The following TBC1D8B variants were observed in gnomAD, a reference collection of about 807,000 sequenced individuals.
The protein encoded by TBC1D8B is TBC1 domain family member 8B, also known as RP11-321G1.1.
Under a neutral mutation model 82.9 loss-of-function variants are expected in TBC1D8B, and 75 were observed. The ratio of observed to expected loss-of-function variants is 0.90; its 90% CI spans 0.75 to 1.10. TBC1D8B has a LOEUF of 1.10. TBC1D8B is among the 50% of genes least tolerant of loss of function. The pLI, the probability that TBC1D8B is intolerant of heterozygous loss-of-function variation, is 0.00. For synonymous variants in TBC1D8B, 276 were observed against 276.8 expected (o/e 1.00, Z 0.03); for missense variants, 794 against 796.9 (o/e 1.00, Z 0.04).
chrX:106,816,788 A>C (rs1221917491), intron 1 of TBC1D8B, among the ~76,000 whole-genome samples: 1 of 110,889 alleles, frequency 9.0e-6, no homozygotes, highest in Non-Finnish European at 1.9e-5. Context: ...CTTTTTATCA[A>C]TTCCTGTATC....
chrX:106,870,430 G>A (rs886353788), intron 19 of TBC1D8B, among the ~76,000 whole-genome samples: 8 of 111,940 alleles, frequency 7.1e-5, no homozygotes. Context: ...GCATTATTAA[G>A]TCGGGGTGTA....
intron 5 of TBC1D8B, among the ~76,000 whole-genome samples, chrX:106,824,747 G>A (rs774617698): frequency 9.0e-6 from 1 of 111,374 alleles, no homozygotes; most frequent in African/African-American, 3.2e-5. Context: ...TTTTAGGAGA[G>A]CCCATTGAAA....
chrX:106,859,920 T>G (rs760785352), intron 14 of TBC1D8B, among the ~76,000 whole-genome samples: 1 of 112,395 alleles, frequency 8.9e-6, no homozygotes, highest in Non-Finnish European at 1.9e-5. Context: ...TGAATCTTAC[T>G]GAAAGCTTTT....
chrX:106,855,365 A>AT (rs1207221887), intron 14 of TBC1D8B, among the ~76,000 whole-genome samples: 1 of 112,566 alleles, frequency 8.9e-6, no homozygotes, highest in Admixed American at 9.4e-5. Context: ...TAAAAAGTAG[A>AT]TTCCCCACCC....
chrX:106,833,761 T>C (rs1177681981), intron 7 of TBC1D8B, among the ~76,000 whole-genome samples: 4 of 110,965 alleles, frequency 3.6e-5, no homozygotes, highest in Non-Finnish European at 7.6e-5. Flanking sequence ...AGGTTATTTT[T>C]TTCCCTCTGG....
intron 7 of TBC1D8B, chrX:106,827,563 T>A (rs1931887159): frequency 6.0e-6 from 2 of 335,232 alleles, no homozygotes; most frequent in African/African-American, 5.4e-5. Context: ...TTACTATAAT[T>A]TGATCTTTCT....
At chrX:106,805,259 CTT>C (rs79051070) in intron 1 of TBC1D8B, among the ~76,000 whole-genome samples, 5 of 96,371 alleles carry the variant, frequency 5.2e-5, no homozygotes, top group Non-Finnish European at 2.1e-5. Flanking sequence ...TGGCTAATTT[CTT>C]TTTTTTTTTT....
intron 9 of TBC1D8B, 62 bp from the exon 10 acceptor site, chrX:106,840,608 T>C: frequency 1.0e-6 from 1 of 981,244 alleles, no homozygotes; most frequent in African/African-American, 1.9e-5. Flanking sequence ...TATTTATGTA[T>C]ATATGGAAAT....
rs1430259173 is a variant in TBC1D8B, at chrX:106,818,763, A to G, written c.231A>G (p.Ser77=). ...HQTPDSQVYL[S]IACGANREEI... Reference sequence around the variant, plus strand: ...CACCAGATTCTCAAGTTTACTTGTCAATTGCATGTGGTGAGTATGATTTTT... The same window carrying G: ...CACCAGATTCTCAAGTTTACTTGTCGATTGCATGTGGTGAGTATGATTTTT... The change falls in exon 2 of 21, where the codon TCA becomes TCG. Residue 77 remains serine, a synonymous_variant. Transcript: ENST00000357242. 1 of 1,191,222 alleles carries G rather than the reference A, an allele frequency of 8.4e-7. No homozygotes were observed. Among genetic ancestry groups the G allele is most frequent in the Non-Finnish European group, 1.1e-6 (1 of 880,625 alleles).
At chrX:106,864,848 C>G (rs1228972567) in intron 14 of TBC1D8B, among the ~76,000 whole-genome samples, 1 of 111,879 alleles carries the variant, frequency 8.9e-6, no homozygotes, top group Non-Finnish European at 1.9e-5. Flanking sequence ...TGTATCCATG[C>G]TTAAATTATC....
chrX:106,851,117 C>T (rs1293444380), intron 12 of TBC1D8B, among the ~76,000 whole-genome samples: 8 of 112,068 alleles, frequency 7.1e-5, no homozygotes, highest in Non-Finnish European at 1.3e-4. Context: ...TGACCGGGTG[C>T]GGTGGCTCAT....
chrX:106,804,550 T>C (rs979605407), intron 1 of TBC1D8B, among the ~76,000 whole-genome samples: 1 of 111,872 alleles, frequency 8.9e-6, no homozygotes, highest in African/African-American at 3.2e-5. Context: ...ATGTTCATAA[T>C]TACCCAGTGA....
intron 1 of TBC1D8B, chrX:106,818,407 A>G (rs1456420496): frequency 3.9e-6 from 1 of 257,206 alleles, no homozygotes; most frequent in Non-Finnish European, 6.8e-6. Flanking sequence ...AGTGCTGCAG[A>G]TACATTTTGA....
chrX:106,823,830 T>C (rs940455517), intron 5 of TBC1D8B, among the ~76,000 whole-genome samples: 1 of 111,673 alleles, frequency 9.0e-6, no homozygotes, highest in African/African-American at 3.2e-5. Flanking sequence ...GTTAAACATA[T>C]TGTTTATTTT....
chrX:106,810,433 C>T (rs1931333810), intron 1 of TBC1D8B, among the ~76,000 whole-genome samples: 1 of 111,542 alleles, frequency 9.0e-6, no homozygotes, highest in Admixed American at 9.5e-5. Flanking sequence ...ATGCACTTAG[C>T]GACTAGAAAA....
intron 14 of TBC1D8B, among the ~76,000 whole-genome samples, chrX:106,856,814 A>G (rs991876172): frequency 9.0e-6 from 1 of 111,528 alleles, no homozygotes; most frequent in Non-Finnish European, 1.9e-5. Context: ...CACATTTCTT[A>G]TTGGGTTTAT....
At chrX:106,839,172 T>C (rs1932243522) in intron 7 of TBC1D8B, 136 bp from the exon 8 acceptor site, 2 of 644,859 alleles carry the variant, frequency 3.1e-6, no homozygotes, top group Admixed American at 4.4e-5. Flanking sequence ...TTTTGATAGG[T>C]ATGTCTCTGA....
chrX:106,872,160 G>A (rs1204244259), intron 20 of TBC1D8B, among the ~76,000 whole-genome samples: 6 of 109,387 alleles, frequency 5.5e-5, no homozygotes, highest in East Asian at 5.8e-4. Flanking sequence ...TGAGGCAGGA[G>A]AATCACTTGA....
At chrX:106,832,941 T>C (rs781458395) in intron 7 of TBC1D8B, among the ~76,000 whole-genome samples, 39 of 111,184 alleles carry the variant, frequency 3.5e-4, no homozygotes, top group Admixed American at 2.8e-3. Flanking sequence ...TGGGGGTAGA[T>C]TTATTTCTAA....
Sources: gnomAD v4.1 joint callset for allele counts (sites outside exome capture counted in the v4.1 genomes callset) on GRCh38, gnomAD v4.1.1 for gene constraint, MANE v1.5 for transcripts, NCBI Gene and HGNC (gene_info 2026-07-23, HGNC 2026-07-21) for gene names.